Variants in ALK observed in about 807,000 individuals in gnomAD.
ALK encodes the protein ALK receptor tyrosine kinase, also known as ALK tyrosine kinase receptor.
In ALK, 74 loss-of-function variants were observed where a neutral mutation model predicts 163.1. The observed-to-expected ratio is 0.45, with a 90% CI of 0.38 to 0.55. The LOEUF (loss-of-function observed/expected upper bound fraction) is 0.55. Among genes scored for constraint, ALK ranks in the 20% least tolerant of loss-of-function variants. The probability of loss-of-function intolerance (pLI) is 0.00; values close to 1 mark genes in which losing one functional copy is unlikely to be tolerated. For missense variants in ALK, 2,063 were observed against 2,105.3 expected, an observed-to-expected ratio of 0.98 and a Z score of 0.39; for synonymous variants, 960 against 843.2, an observed-to-expected ratio of 1.14 and a Z score of -2.40.
At chr2:29,643,735 T>C (rs1056427083) in intron 3 of ALK, among the ~76,000 whole-genome samples, 4 of 152,102 alleles carry the variant, frequency 2.6e-5, no homozygotes, top group African/African-American at 9.7e-5. Context: ...AATCGAAATC[T>C]AGTAGTTTCC....
chr2:29,444,992 A>G (rs983766915), intron 4 of ALK, among the ~76,000 whole-genome samples: 2 of 152,196 alleles, frequency 1.3e-5, no homozygotes, highest in African/African-American at 4.8e-5. Context: ...AGAGAGGCCA[A>G]GGCCAAGTTA....
At chr2:29,333,270 C>A (rs1276028973) in intron 5 of ALK, among the ~76,000 whole-genome samples, 1 of 152,158 alleles carries the variant, frequency 6.6e-6, no homozygotes, top group Non-Finnish European at 1.5e-5. Flanking sequence ...TGCCTGCCAC[C>A]ATGCCTGGCT....
At chr2:29,613,612 C>T (rs1208026064) in intron 3 of ALK, among the ~76,000 whole-genome samples, 4 of 152,202 alleles carry the variant, frequency 2.6e-5, no homozygotes. Flanking sequence ...AAGCACTTCA[C>T]ACATCTATAT....
chr2:29,262,220 G>A (rs935614980), intron 11 of ALK, among the ~76,000 whole-genome samples: 2 of 152,032 alleles, frequency 1.3e-5, no homozygotes, highest in African/African-American at 4.8e-5. Context: ...CTGGGGCTAA[G>A]TGAGGAGGGG....
intron 1 of ALK, among the ~76,000 whole-genome samples, chr2:29,751,182 C>T (rs569761980): frequency 3.4e-5 from 5 of 148,304 alleles, no homozygotes; most frequent in Non-Finnish European, 6.1e-5. Context: ...TGAAGCTTGC[C>T]TGGACTGAAA....
At chr2:29,818,193 G>A (rs1216284122) in intron 1 of ALK, among the ~76,000 whole-genome samples, 1 of 152,146 alleles carries the variant, frequency 6.6e-6, no homozygotes, top group Non-Finnish European at 1.5e-5. Context: ...GAGTTTTGAT[G>A]TGACCCGGAT....
chr2:29,314,276 T>C (rs1188520420), intron 8 of ALK, among the ~76,000 whole-genome samples: 1 of 152,088 alleles, frequency 6.6e-6, no homozygotes, highest in Non-Finnish European at 1.5e-5. Context: ...TGGGCTACAT[T>C]TGCTGGTTTT....
At chr2:29,630,207 C>T (rs146374830) in intron 3 of ALK, among the ~76,000 whole-genome samples, 4,158 of 152,128 alleles carry the variant, frequency 0.027, 85 homozygotes, top group Middle Eastern at 0.061. Context: ...TAGGAAGGTG[C>T]CCAAAGTAGA....
intron 8 of ALK, among the ~76,000 whole-genome samples, chr2:29,317,684 A>G (rs933457270): frequency 6.6e-6 from 1 of 152,222 alleles, no homozygotes; most frequent in Non-Finnish European, 1.5e-5. Flanking sequence ...TCAGTGGTGG[A>G]ACCCGACTTG....
intron 1 of ALK, among the ~76,000 whole-genome samples, chr2:29,839,633 C>A (rs1355908195): frequency 2.0e-5 from 3 of 152,172 alleles, no homozygotes; most frequent in Admixed American, 2.0e-4. Context: ...CACATTCTCT[C>A]TTGCTTCCCT....
chr2:29,573,721 A>T (rs1308987340), intron 3 of ALK, among the ~76,000 whole-genome samples: 1 of 152,220 alleles, frequency 6.6e-6, no homozygotes, highest in East Asian at 1.9e-4. Flanking sequence ...GGCCTTTTAC[A>T]AAAACAGCCA....
At chr2:29,814,288 T>A (rs955799813) in intron 1 of ALK, among the ~76,000 whole-genome samples, 2 of 152,028 alleles carry the variant, frequency 1.3e-5, no homozygotes, top group Non-Finnish European at 2.9e-5. Context: ...CCAGTGGTGA[T>A]CCTCCCAGTT....
At chr2:29,703,917 G>C (rs561982239) in intron 2 of ALK, among the ~76,000 whole-genome samples, 1 of 152,256 alleles carries the variant, frequency 6.6e-6, no homozygotes, top group African/African-American at 2.4e-5. Flanking sequence ...ATTTCTCCTG[G>C]TTGCAGAAGT....
At chr2:29,259,201 AGT>A (rs1665024468) in intron 11 of ALK, among the ~76,000 whole-genome samples, 1 of 152,182 alleles carries the variant, frequency 6.6e-6, no homozygotes, top group African/African-American at 2.4e-5. Flanking sequence ...CCTTACACAC[AGT>A]ATTAGAGTCA....
At chr2:29,493,028 C>T (rs1256080738) in intron 4 of ALK, among the ~76,000 whole-genome samples, 1 of 152,192 alleles carries the variant, frequency 6.6e-6, no homozygotes, top group Non-Finnish European at 1.5e-5. Context: ...CAGTGGAGAG[C>T]ATGCATCTCA....
At chr2:29,830,713 TA>T (rs530774574) in intron 1 of ALK, among the ~76,000 whole-genome samples, 76 of 28,990 alleles carry the variant, frequency 2.6e-3, no homozygotes, top group African/African-American at 7.0e-3. Context: ...TAAAATAGTT[TA>T]AAAAAAAAAA....
chr2:29,416,241 G>A (rs183591321), intron 4 of ALK, among the ~76,000 whole-genome samples: 2 of 152,236 alleles, frequency 1.3e-5, no homozygotes, highest in Non-Finnish European at 2.9e-5. Context: ...GATGGGCACA[G>A]AGACATCTCT....
intron 1 of ALK, among the ~76,000 whole-genome samples, chr2:29,828,398 G>A (rs1473339709): frequency 3.9e-5 from 6 of 151,924 alleles, no homozygotes; most frequent in East Asian, 1.9e-4. Context: ...GAATGGGAGA[G>A]AATTTTTGCA....
At position 29,232,408 on chromosome 2, in the gene ALK, C is replaced by A; in HGVS notation, c.2528G>T (p.Gly843Val). 6.2e-7 allele frequency: 1 copy of A among 1,614,264 alleles called. No homozygotes were observed. The highest frequency in any genetic ancestry group is 8.5e-7 in the Non-Finnish European group (1 of 1,180,050). The part of the protein sequence containing the change: ...GVPVPLIIAA[G>V]GGGRAYGAKT... ...GGCCCCGTAGGCCCTGCCACCACCTCCGGCTGCAATGATCAGGGGCACCGG... is the reference window on the plus strand; with the variant it reads ...GGCCCCGTAGGCCCTGCCACCACCTACGGCTGCAATGATCAGGGGCACCGG... The change falls in exon 15 of 29, where the codon GGA (glycine) becomes GTA (valine). Residue 843 changes from glycine to valine, a missense_variant. Coordinates refer to ENST00000389048, the MANE Select transcript of ALK (RefSeq NM_004304.5).
Sources: allele counts gnomAD v4.1 joint callset (sites outside exome capture counted in the v4.1 genomes callset), GRCh38; gene constraint gnomAD v4.1.1; transcripts MANE v1.5; gene names NCBI Gene and HGNC (gene_info 2026-07-23, HGNC 2026-07-21).